DESI2: variants seen among roughly 807,000 people sequenced by gnomAD.
DESI2 encodes deubiquitinase DESI2.
A neutral mutation model predicts 24.1 loss-of-function variants in DESI2; 10 were observed. The observed-to-expected ratio is 0.41, with a 90% CI of 0.26 to 0.70. The LOEUF (loss-of-function observed/expected upper bound fraction) is 0.70. Among genes scored for constraint, DESI2 ranks in the 30% least tolerant of loss-of-function variants. The probability of loss-of-function intolerance (pLI) is 0.29; values close to 1 mark genes in which losing one functional copy is unlikely to be tolerated. For missense variants in DESI2, 122 were observed against 234.9 expected (o/e 0.52, Z 3.14); for synonymous variants, 71 against 87.7 (o/e 0.81, Z 1.06).
chr1:244,693,578 C>T (rs1206312719), intron 4 of DESI2, among the ~76,000 whole-genome samples: 2 of 152,102 alleles, frequency 1.3e-5, no homozygotes, highest in African/African-American at 2.4e-5. Context: ...ACTATAGGCA[C>T]CCGCCACCAC....
intron 1 of DESI2, among the ~76,000 whole-genome samples, chr1:244,676,719 G>A (rs2148795734): frequency 6.7e-6 from 1 of 149,234 alleles, no homozygotes; most frequent in East Asian, 2.0e-4. Flanking sequence ...ATCAGCTTAG[G>A]GAAATTTCCA....
chr1:244,669,260 G>A (rs187901502), intron 1 of DESI2, among the ~76,000 whole-genome samples: 44 of 151,492 alleles, frequency 2.9e-4, no homozygotes, highest in Middle Eastern at 3.4e-3. Flanking sequence ...GCCTCCCAAA[G>A]TGCTGGGATT....
At chr1:244,657,724 G>A (rs1009394923) in intron 1 of DESI2, among the ~76,000 whole-genome samples, 2 of 152,158 alleles carry the variant, frequency 1.3e-5, no homozygotes, top group Admixed American at 6.5e-5. Context: ...CCCTTGGTTC[G>A]TCCTCTCATA....
chr1:244,657,125 A>G (rs910285809), intron 1 of DESI2, among the ~76,000 whole-genome samples: 1 of 152,246 alleles, frequency 6.6e-6, no homozygotes, highest in Non-Finnish European at 1.5e-5. Context: ...GTCTTTAAAG[A>G]ATAGAAAAGA....
intron 4 of DESI2, among the ~76,000 whole-genome samples, chr1:244,699,577 TCAAAAAAAAAAAAAAAAAAA>T (rs1677358008): frequency 2.6e-5 from 1 of 38,122 alleles, no homozygotes; most frequent in African/African-American, 1.2e-4. Flanking sequence ...TGAGACTGTC[TCAAAAAAAAAAAAAAAAAAA>T]AAAAAAAAAA....
chr1:244,703,177 T>C (rs750782153), intron 4 of DESI2, among the ~76,000 whole-genome samples: 3 of 151,896 alleles, frequency 2.0e-5, no homozygotes, highest in Non-Finnish European at 4.4e-5. Context: ...AATTTTTGTA[T>C]TTTTAGTAGA....
chr1:244,673,870 G>A (rs993584736), intron 1 of DESI2, among the ~76,000 whole-genome samples: 41 of 151,878 alleles, frequency 2.7e-4, no homozygotes, highest in Admixed American at 2.7e-3. Context: ...CTAAAGGAAT[G>A]TTTATCCTCG....
rs1677800600 is a variant in DESI2, at chr1:244,708,606, C to G, written c.*2817C>G. ...ATCACAAAACGGGTAGAAACACATT[C>G]ACTGCTTCAGGGTTCTAATCTGTGT... On this transcript the variant is annotated 3_prime_UTR_variant, in exon 5 of 5. Coordinates refer to ENST00000302550, the MANE Select transcript of DESI2 (RefSeq NM_016076.5). The G allele has an allele frequency of 6.6e-6, 1 of 152,654 alleles. No homozygotes were observed. Among genetic ancestry groups the G allele is most frequent in the Non-Finnish European group, 1.5e-5 (1 of 68,044 alleles). The allele number at this position is 152,654 out of a possible 1,614,324, so 9.5% of individuals were successfully genotyped here.
chr1:244,694,741 C>G (rs1677151775), intron 4 of DESI2: 1 of 627,336 alleles, frequency 1.6e-6, no homozygotes, highest in Non-Finnish European at 2.9e-6. Flanking sequence ...TGGCTAAGAC[C>G]AGAGAGATTC....
Position 244,653,254 on chromosome 1 carries a change from G to T in DESI2, c.-60G>T. 1.4e-6 allele frequency: 2 copies of T among 1,448,046 alleles called. No homozygotes were observed. The highest frequency in any genetic ancestry group is 5.9e-5 in the Admixed American group (2 of 34,172). 89.7% of individuals were successfully genotyped at this position (1,448,046 alleles called of 1,614,324 possible). A position where few individuals can be genotyped will look rare whatever the true frequency, so the allele number is the denominator to read the frequency against. Reference sequence around the variant, plus strand: ...TGAAGCGCCCGCGGGGGTGAGAGCGGCCTCCGGCCCCGCGGAGACGGAGCG... The same window carrying T: ...TGAAGCGCCCGCGGGGGTGAGAGCGTCCTCCGGCCCCGCGGAGACGGAGCG... On this transcript the variant is annotated 5_prime_UTR_variant, in exon 1 of 5. Transcript: ENST00000302550.
At chr1:244,667,618 T>C (rs1676092045) in intron 1 of DESI2, among the ~76,000 whole-genome samples, 3 of 152,208 alleles carry the variant, frequency 2.0e-5, no homozygotes. Context: ...TGATTCCAGG[T>C]TGTACCACAA....
intron 1 of DESI2, among the ~76,000 whole-genome samples, chr1:244,675,362 G>A (rs554528414): frequency 9.9e-5 from 15 of 152,100 alleles, no homozygotes; most frequent in African/African-American, 1.7e-4. Context: ...AAGCCATTGC[G>A]TAATCCAAGA....
At chr1:244,690,441 C>T (rs999618472) in intron 3 of DESI2, among the ~76,000 whole-genome samples, 8 of 152,202 alleles carry the variant, frequency 5.3e-5, no homozygotes, top group Non-Finnish European at 5.9e-5. Context: ...TGCAGTGGCT[C>T]ATGCCTGTAA....
intron 4 of DESI2, among the ~76,000 whole-genome samples, chr1:244,705,104 G>A (rs1181015109): frequency 6.6e-6 from 1 of 152,068 alleles, no homozygotes; most frequent in Non-Finnish European, 1.5e-5. Flanking sequence ...TGGAGAAAAG[G>A]GGAAAGTCAA....
chr1:244,698,392 C>T (rs1677303557), intron 4 of DESI2, among the ~76,000 whole-genome samples: 2 of 152,336 alleles, frequency 1.3e-5, no homozygotes, highest in South Asian at 2.1e-4. Flanking sequence ...CAAGTGAGCT[C>T]ATATAAAATC....
intron 1 of DESI2, among the ~76,000 whole-genome samples, chr1:244,682,309 A>G (rs1394221086): frequency 6.6e-6 from 1 of 152,172 alleles, no homozygotes; most frequent in Non-Finnish European, 1.5e-5. Context: ...GCATTTTTAC[A>G]GAGTGCTGAT....
chr1:244,667,799 G>A (rs1676098127), intron 1 of DESI2, among the ~76,000 whole-genome samples: 1 of 152,214 alleles, frequency 6.6e-6, no homozygotes, highest in Admixed American at 6.5e-5. Context: ...GACAGGCTAG[G>A]GAGATCCATT....
intron 1 of DESI2, 198 bp downstream of exon 1, chr1:244,653,553 C>G (rs932429329): frequency 5.3e-6 from 3 of 562,866 alleles, no homozygotes; most frequent in Admixed American, 4.2e-5. Context: ...TGAACCCAGT[C>G]AGCCCGAGGG....
intron 4 of DESI2, among the ~76,000 whole-genome samples, chr1:244,696,387 T>C (rs1487297363): frequency 6.6e-6 from 1 of 152,168 alleles, no homozygotes; most frequent in Non-Finnish European, 1.5e-5. Context: ...TTTGGGAGGC[T>C]GAGGCGGGTA....
Sources: allele counts gnomAD v4.1 joint callset (sites outside exome capture counted in the v4.1 genomes callset), GRCh38; gene constraint gnomAD v4.1.1; transcripts MANE v1.5; gene names NCBI Gene and HGNC (gene_info 2026-07-23, HGNC 2026-07-21).